STPG2: variants seen among roughly 807,000 people sequenced by gnomAD.
The protein encoded by STPG2 is sperm-tail PG-rich repeat-containing protein 2.
A neutral mutation model predicts 54.2 loss-of-function variants in STPG2; 56 were observed. The ratio of observed to expected loss-of-function variants is 1.03; its 90% CI spans 0.83 to 1.29. The LOEUF (loss-of-function observed/expected upper bound fraction) is 1.29, where lower values mean the gene tolerates loss of function less well. STPG2 is among the 50% of genes most tolerant of loss of function. The pLI is 0.00. For synonymous variants in STPG2, 200 were observed against 181.8 expected, an observed-to-expected ratio of 1.10 and a Z score of -0.81; for missense variants, 596 against 544.9, an observed-to-expected ratio of 1.09 and a Z score of -0.93.
rs368099073 is a variant in STPG2 at position 97,828,707 on chromosome 4, G to A, written c.1204+12066C>T. On this transcript the variant is annotated intron_variant, in intron 9 of 10. Coordinates refer to ENST00000295268, the MANE Select transcript of STPG2 (RefSeq NM_174952.3). ...ACCTGGGATGCTCGAGCTTGATCGCGGGAGGGGCATCCACCACTGCTGAGG... is the reference window on the plus strand; with the variant it reads ...ACCTGGGATGCTCGAGCTTGATCGCAGGAGGGGCATCCACCACTGCTGAGG... 7.9e-5 allele frequency among the ~76,000 whole-genome samples: 12 copies of A among 152,200 alleles called. No homozygotes were observed. In the East Asian group the frequency reaches 1.4e-3, roughly 17 times the overall value.
At chr4:97,957,009 G>T (rs141307549) in intron 7 of STPG2, among the ~76,000 whole-genome samples, 295 of 151,250 alleles carry the variant, frequency 2.0e-3, no homozygotes, top group African/African-American at 7.0e-3. Flanking sequence ...GAATTCAGAG[G>T]AAAGTTATTA....
At chr4:97,581,746 T>C (rs2148891310) in intron 10 of STPG2, among the ~76,000 whole-genome samples, 1 of 152,212 alleles carries the variant, frequency 6.6e-6, no homozygotes, top group Admixed American at 6.6e-5. Flanking sequence ...TGAAATTCTT[T>C]TCAAAATAGC....
intron 4 of STPG2, among the ~76,000 whole-genome samples, chr4:97,497,565 G>A (rs1730637031): frequency 6.6e-6 from 1 of 151,684 alleles, no homozygotes; most frequent in African/African-American, 2.4e-5. Context: ...ATACATTTCT[G>A]CCAATTTCAT....
intron 4 of STPG2, among the ~76,000 whole-genome samples, chr4:97,526,603 AT>A (rs1366282367): frequency 6.6e-6 from 1 of 151,708 alleles, no homozygotes; most frequent in Non-Finnish European, 1.5e-5. Context: ...GAGTGCAAAA[AT>A]TTTCTCCCAT....
At chr4:97,903,625 G>C (rs1361217163) in intron 8 of STPG2, among the ~76,000 whole-genome samples, 1 of 152,130 alleles carries the variant, frequency 6.6e-6, no homozygotes, top group African/African-American at 2.4e-5. Flanking sequence ...TGGCCGAATA[G>C]CAACAGCTCC....
At chr4:97,978,597 G>T (rs1482578973) in intron 6 of STPG2, among the ~76,000 whole-genome samples, 3 of 152,036 alleles carry the variant, frequency 2.0e-5, no homozygotes, top group African/African-American at 7.2e-5. Flanking sequence ...GCCTGTACAA[G>T]AAACCCCCAC....
At chr4:97,531,724 G>A (rs1443934417) in intron 4 of STPG2, among the ~76,000 whole-genome samples, 3 of 152,166 alleles carry the variant, frequency 2.0e-5, no homozygotes, top group Non-Finnish European at 4.4e-5. Flanking sequence ...AGGGTAATGG[G>A]GGGATTGGAG....
chr4:97,634,036 G>T (rs900177636), intron 10 of STPG2, among the ~76,000 whole-genome samples: 48 of 152,292 alleles, frequency 3.2e-4, no homozygotes, highest in African/African-American at 1.1e-3. Context: ...ACCTCTGGGG[G>T]CAGGGCACAG....
intron 9 of STPG2, among the ~76,000 whole-genome samples, chr4:97,816,728 C>G (rs905742661): frequency 6.7e-6 from 1 of 150,114 alleles, no homozygotes. Flanking sequence ...CTTCCTCCCT[C>G]CCTCTCTTTC....
chr4:97,982,066 A>C (rs1364139195), intron 5 of STPG2, among the ~76,000 whole-genome samples: 1 of 151,622 alleles, frequency 6.6e-6, no homozygotes, highest in Non-Finnish European at 1.5e-5. Context: ...TTGTATTTTT[A>C]GTAGAAACGG....
At chr4:97,670,700 C>A (rs1337597853) in intron 10 of STPG2, among the ~76,000 whole-genome samples, 1 of 152,186 alleles carries the variant, frequency 6.6e-6, no homozygotes, top group African/African-American at 2.4e-5. Context: ...ACTTTAATAT[C>A]ATCTTCCCTT....
At chr4:97,839,174 T>G (rs1728720647) in intron 9 of STPG2, among the ~76,000 whole-genome samples, 1 of 151,632 alleles carries the variant, frequency 6.6e-6, no homozygotes, top group African/African-American at 2.4e-5. Context: ...GATCTTATAC[T>G]TCAAAGGAGC....
chr4:97,645,358 T>C (rs1177175277), intron 10 of STPG2, among the ~76,000 whole-genome samples: 4 of 151,688 alleles, frequency 2.6e-5, no homozygotes, highest in African/African-American at 4.8e-5. Flanking sequence ...TTAAGCTCTA[T>C]GGTGTTCCTC....
chr4:97,577,501 G>T (rs1190428879), intron 10 of STPG2, among the ~76,000 whole-genome samples: 2 of 151,990 alleles, frequency 1.3e-5, no homozygotes, highest in Non-Finnish European at 2.9e-5. Flanking sequence ...AACAAATACC[G>T]CCTGTTCTCA....
In STPG2 at chr4:97,958,700, A is replaced by G. The variant is rs529244373; in HGVS notation, c.933+13580T>C. Reference sequence around the variant, plus strand: ...AATCCTAAATATATATGCATCTAATACTGGAGCTCCCAAATTTATAAAACA... The same window carrying G: ...AATCCTAAATATATATGCATCTAATGCTGGAGCTCCCAAATTTATAAAACA... On this transcript the variant is annotated intron_variant, in intron 7 of 10. Coordinates refer to ENST00000295268, the MANE Select transcript of STPG2 (RefSeq NM_174952.3). 1.3e-4 allele frequency among the ~76,000 whole-genome samples: 20 copies of G among 152,296 alleles called. No individual in the cohort carries two copies. The East Asian group carries it at 3.9e-3, about 29-fold the overall frequency.
intron 8 of STPG2, among the ~76,000 whole-genome samples, chr4:97,869,223 A>G (rs1160146258): frequency 6.6e-6 from 1 of 151,824 alleles, no homozygotes; most frequent in Admixed American, 6.6e-5. Context: ...GTAAATTAGA[A>G]TAGAATAATC....
intron 7 of STPG2, among the ~76,000 whole-genome samples, chr4:97,966,878 A>G (rs895273975): frequency 3.9e-5 from 6 of 152,242 alleles, no homozygotes; most frequent in Non-Finnish European, 8.8e-5. Flanking sequence ...ATGGAAACAA[A>G]TAACCAGTAC....
chr4:97,487,678 T>C (rs1290969530), intron 4 of STPG2, among the ~76,000 whole-genome samples: 2 of 151,436 alleles, frequency 1.3e-5, no homozygotes, highest in African/African-American at 4.8e-5. Flanking sequence ...CAATAAATTA[T>C]AGCAATACTA....
At chr4:97,496,890 G>C (rs189817810) in intron 4 of STPG2, among the ~76,000 whole-genome samples, 179 of 151,452 alleles carry the variant, frequency 1.2e-3, no homozygotes, top group African/African-American at 3.9e-3. Flanking sequence ...TTATACTTTA[G>C]ACAGAAGTTC....
Sources: allele counts gnomAD v4.1 joint callset (sites outside exome capture counted in the v4.1 genomes callset), GRCh38; gene constraint gnomAD v4.1.1; transcripts MANE v1.5; gene names NCBI Gene and HGNC (gene_info 2026-07-23, HGNC 2026-07-21).